Variants in ASTN2 observed in about 807,000 individuals in gnomAD.
The protein encoded by ASTN2 is astrotactin 2.
A neutral mutation model predicts 139.8 loss-of-function variants in ASTN2; 54 were observed. The ratio of observed to expected loss-of-function variants is 0.39; its 90% CI spans 0.31 to 0.48. ASTN2 has a LOEUF of 0.48. Among genes scored for constraint, ASTN2 ranks in the 20% least tolerant of loss-of-function variants. The probability of loss-of-function intolerance (pLI) is 0.95; values close to 1 mark genes in which losing one functional copy is unlikely to be tolerated. For missense variants in ASTN2, 1,565 were observed against 1,725.1 expected (o/e 0.91, Z 1.64); for synonymous variants, 756 against 719.5 (o/e 1.05, Z -0.81).
chr9:117,162,864 G>C (rs996388411), intron 3 of ASTN2, among the ~76,000 whole-genome samples: 3 of 152,020 alleles, frequency 2.0e-5, no homozygotes, highest in African/African-American at 7.2e-5. Flanking sequence ...TGGATTCATA[G>C]AATGAGTGAA....
chr9:116,867,986 T>G (rs937182333), intron 10 of ASTN2, among the ~76,000 whole-genome samples: 1 of 152,150 alleles, frequency 6.6e-6, no homozygotes, highest in African/African-American at 2.4e-5. Context: ...CTGTGGGATC[T>G]TAGAGCTGCC....
chr9:116,950,471 G>A (rs1835526660), intron 10 of ASTN2, among the ~76,000 whole-genome samples: 2 of 152,100 alleles, frequency 1.3e-5, no homozygotes, highest in East Asian at 1.9e-4. Context: ...AACTAGAGGA[G>A]AAGATTAAGA....
At chr9:116,853,878 C>G (rs1446797880) in intron 11 of ASTN2, among the ~76,000 whole-genome samples, 4 of 152,268 alleles carry the variant, frequency 2.6e-5, no homozygotes, top group African/African-American at 9.6e-5. Context: ...GGCTTCTGCC[C>G]AAAGGTGCTC....
rs529800567 is a variant in ASTN2, at chr9:116,616,094, C to T, written c.3355+2230G>A. 2.6e-5 allele frequency among the ~76,000 whole-genome samples: 4 copies of T among 152,154 alleles called. No individual in the cohort carries two copies. In the East Asian group the frequency reaches 5.8e-4, roughly 22 times the overall value. ...AAGTAATACATAAATAAATAAACGT[C>T]ATCAAAATTGGAAAGAAAGAAATAT... On this transcript the variant is annotated intron_variant, in intron 19 of 22. Coordinates refer to ENST00000313400, the MANE Select transcript of ASTN2 (RefSeq NM_001365068.1).
chr9:116,779,791 A>T (rs986746898), intron 13 of ASTN2, among the ~76,000 whole-genome samples: 2 of 152,056 alleles, frequency 1.3e-5, no homozygotes, highest in African/African-American at 4.8e-5. Context: ...TTCCATGTCC[A>T]CCTGGGTCAA....
At chr9:117,200,621 A>G (rs559129283) in intron 3 of ASTN2, among the ~76,000 whole-genome samples, 3 of 152,152 alleles carry the variant, frequency 2.0e-5, no homozygotes, top group Non-Finnish European at 4.4e-5. Flanking sequence ...TGAGATAATC[A>G]TGTGGTTTTT....
chr9:116,670,045 T>C (rs910532340), intron 16 of ASTN2, among the ~76,000 whole-genome samples: 10 of 152,180 alleles, frequency 6.6e-5, no homozygotes, highest in African/African-American at 2.4e-4. Context: ...CCTCAGGTGA[T>C]CCACCCGCCT....
At chr9:116,632,185 G>GAGAGA (rs1564168833) in intron 17 of ASTN2, among the ~76,000 whole-genome samples, 8 of 48,690 alleles carry the variant, frequency 1.6e-4, no homozygotes, top group South Asian at 1.1e-3. Flanking sequence ...AGAGAGAGAG[G>GAGAGA]GAGAGAGAGA....
At chr9:116,957,424 T>C (rs532820593) in intron 10 of ASTN2, among the ~76,000 whole-genome samples, 77 of 152,350 alleles carry the variant, frequency 5.1e-4, no homozygotes, top group African/African-American at 1.8e-3. Context: ...AGGTTGCTAT[T>C]AAGATAGTAC....
intron 19 of ASTN2, among the ~76,000 whole-genome samples, chr9:116,519,932 T>C (rs1244909681): frequency 1.3e-5 from 2 of 151,972 alleles, no homozygotes; most frequent in Admixed American, 6.6e-5. Context: ...CCTAGAAATA[T>C]ACAACCCTCC....
chr9:117,046,861 T>C (rs779386881), intron 5 of ASTN2, among the ~76,000 whole-genome samples: 7 of 152,220 alleles, frequency 4.6e-5, no homozygotes, highest in Non-Finnish European at 7.3e-5. Context: ...GCTTAAATGT[T>C]GTTTCCCTTT....
intron 20 of ASTN2, among the ~76,000 whole-genome samples, chr9:116,460,225 T>C (rs1414251657): frequency 2.6e-5 from 4 of 152,054 alleles, no homozygotes; most frequent in Non-Finnish European, 4.4e-5. Flanking sequence ...AAAAGTAGAT[T>C]AGTGGTTGCC....
At chr9:116,648,233 C>T (rs1198953556) in intron 17 of ASTN2, among the ~76,000 whole-genome samples, 1 of 152,096 alleles carries the variant, frequency 6.6e-6, no homozygotes, top group African/African-American at 2.4e-5. Context: ...AACTCCTGAC[C>T]TCATGATCAG....
intron 10 of ASTN2, among the ~76,000 whole-genome samples, chr9:116,950,651 C>T (rs1835531893): frequency 6.6e-6 from 1 of 152,122 alleles, no homozygotes; most frequent in South Asian, 2.1e-4. Flanking sequence ...TTCCCTTCCA[C>T]CTTATTCTGG....
chr9:117,235,090 T>C (rs7034521), intron 2 of ASTN2, among the ~76,000 whole-genome samples: 11,397 of 152,056 alleles, frequency 0.075, 1,467 homozygotes, highest in African/African-American at 0.26. Flanking sequence ...AAAAATTAGC[T>C]GAGCATGGTG....
rs186535588 is a variant in ASTN2 at position 116,793,694 on chromosome 9, A to G, written c.2396+11938T>C. Among the ~76,000 whole-genome samples, 803 of 152,346 alleles carry G rather than the reference A, an allele frequency of 5.3e-3. 7 individuals are homozygous for G. The highest frequency in any genetic ancestry group is 8.3e-3 in the Non-Finnish European group (568 of 68,024). ...CTTAAATATGTTTGAAAAACAAACA[A>G]AAAAGCTGGTCCTTGGACCCAGCAG... On this transcript the variant is annotated intron_variant, in intron 13 of 22. Transcript: ENST00000313400.
chr9:116,959,215 A>T (rs1476691735), intron 10 of ASTN2, among the ~76,000 whole-genome samples: 1 of 152,156 alleles, frequency 6.6e-6, no homozygotes, highest in Non-Finnish European at 1.5e-5. Context: ...TTCCTGGAGG[A>T]GGTGGTGTGT....
chr9:116,890,431 A>G (rs368731104), intron 10 of ASTN2, among the ~76,000 whole-genome samples: 1 of 152,248 alleles, frequency 6.6e-6, no homozygotes, highest in East Asian at 1.9e-4. Flanking sequence ...ATTTTATGAT[A>G]TAATCAAGAG....
At chr9:117,302,726 G>A (rs1834906916) in intron 1 of ASTN2, among the ~76,000 whole-genome samples, 1 of 152,078 alleles carries the variant, frequency 6.6e-6, no homozygotes, top group African/African-American at 2.4e-5. Flanking sequence ...GTGTGAGGAG[G>A]AAAAATGAAA....
Sources: allele counts gnomAD v4.1 joint callset (sites outside exome capture counted in the v4.1 genomes callset), GRCh38; gene constraint gnomAD v4.1.1; transcripts MANE v1.5; gene names NCBI Gene and HGNC (gene_info 2026-07-23, HGNC 2026-07-21).